SHISA9: variants seen among roughly 807,000 people sequenced by gnomAD.
SHISA9 encodes the protein protein shisa-9.
In SHISA9, 13 loss-of-function variants were observed where a neutral mutation model predicts 38.0. The ratio of observed to expected loss-of-function variants is 0.34; its 90% CI spans 0.22 to 0.54. The LOEUF is 0.54. Ranked by LOEUF, SHISA9 falls within the 20% of genes least tolerant of loss-of-function variation. The pLI is 0.91. For synonymous variants in SHISA9, 275 were observed against 242.0 expected (o/e 1.14, Z -1.27); for missense variants, 538 against 575.8 (o/e 0.93, Z 0.67).
intron 2 of SHISA9, among the ~76,000 whole-genome samples, chr16:13,109,779 T>C (rs551451607): frequency 2.6e-5 from 4 of 152,340 alleles, no homozygotes; most frequent in African/African-American, 9.6e-5. Context: ...TGTGATCTTC[T>C]ATGTCTGGCT....
At chr16:13,295,508 C>T in the SHISA9 span, among the ~76,000 whole-genome samples, 1 of 152,194 alleles carries the variant, frequency 6.6e-6, no homozygotes. Context: ...CAGGTAGGCA[C>T]TGCCTGACAT....
At chr16:12,967,879 C>G (rs2072000502) in intron 2 of SHISA9, among the ~76,000 whole-genome samples, 2 of 151,902 alleles carry the variant, frequency 1.3e-5, no homozygotes, top group South Asian at 4.1e-4. Context: ...TTAGAATTAC[C>G]AGGAGATCTT....
chr16:13,560,801 C>T, the SHISA9 span, among the ~76,000 whole-genome samples: 3 of 150,246 alleles, frequency 2.0e-5, no homozygotes, highest in Non-Finnish European at 1.5e-5. Context: ...GGCTATGTCA[C>T]GGCCATGTCA....
rs538289407 is a variant in SHISA9 at position 13,018,743 on chromosome 16, T to A, written c.691+101928T>A. Among the ~76,000 whole-genome samples the A allele has an allele frequency of 3.9e-5, 6 of 152,314 alleles. No individual in the cohort carries two copies. The East Asian group carries it at 1.2e-3, about 29-fold the overall frequency. On this transcript the variant is annotated intron_variant, in intron 2 of 4. Transcript: ENST00000558583. ...AACTTTGGCGACACAAATTTGAATGTGCATAAATACCAGCTGGTGAGTGTG... is the reference window on the plus strand; with the variant it reads ...AACTTTGGCGACACAAATTTGAATGAGCATAAATACCAGCTGGTGAGTGTG...
chr16:13,457,537 G>C, the SHISA9 span, among the ~76,000 whole-genome samples: 1 of 151,898 alleles, frequency 6.6e-6, no homozygotes, highest in East Asian at 2.0e-4. Context: ...CACAGCCTAA[G>C]TTTTGAATGA....
intron 2 of SHISA9, among the ~76,000 whole-genome samples, chr16:13,110,042 T>C (rs1421759998): frequency 1.3e-5 from 2 of 152,126 alleles, no homozygotes; most frequent in Non-Finnish European, 2.9e-5. Flanking sequence ...GGGTAATATA[T>C]ATTAAGATTA....
At chr16:13,401,126 C>T in the SHISA9 span, among the ~76,000 whole-genome samples, 1 of 152,170 alleles carries the variant, frequency 6.6e-6, no homozygotes, top group Non-Finnish European at 1.5e-5. Flanking sequence ...CACAGAATCT[C>T]CCAAGGATTA....
the SHISA9 span, among the ~76,000 whole-genome samples, chr16:13,407,748 A>T: frequency 2.6e-5 from 4 of 152,328 alleles, no homozygotes; most frequent in African/African-American, 9.6e-5. Context: ...CTAGAGATTT[A>T]AAGGGACCGT....
chr16:12,902,358 C>T lies in SHISA9; in HGVS notation c.294C>T (p.Cys98=). ...GCAGCTCGGGCGACTTCATCTTCTG[C>T]TGCGGGACTTGTGGCTTCCGGTTCT... ...FNCSSGDFIF[C]CGTCGFRFCC... The change falls in exon 1 of 5, where the codon TGC becomes TGT. Residue 98 remains cysteine (C), a synonymous_variant. Coordinates refer to ENST00000558583, the MANE Select transcript of SHISA9 (RefSeq NM_001145204.3). The T allele has an allele frequency of 6.4e-7, 1 of 1,551,504 alleles. No homozygotes were observed. The highest frequency in any genetic ancestry group is 1.7e-4 in the Middle Eastern group (1 of 5,992).
At chr16:13,381,919 G>A in the SHISA9 span, among the ~76,000 whole-genome samples, 1 of 152,226 alleles carries the variant, frequency 6.6e-6, no homozygotes, top group East Asian at 1.9e-4. Flanking sequence ...ATAGGTAAAT[G>A]ACATGAAGAG....
chr16:13,149,004 G>T (rs968109652), intron 2 of SHISA9, among the ~76,000 whole-genome samples: 3 of 152,092 alleles, frequency 2.0e-5, no homozygotes, highest in African/African-American at 7.2e-5. Context: ...TGACGGAAGT[G>T]CAACACCCTT....
chr16:13,042,952 G>A (rs2141890095), intron 2 of SHISA9, among the ~76,000 whole-genome samples: 1 of 152,274 alleles, frequency 6.6e-6, no homozygotes, highest in East Asian at 1.9e-4. Context: ...TATTAGTTAA[G>A]GTAATGCTGG....
the SHISA9 span, among the ~76,000 whole-genome samples, chr16:13,416,784 G>GGAAGGA: frequency 9.3e-6 from 1 of 107,048 alleles, no homozygotes; most frequent in African/African-American, 3.6e-5. Flanking sequence ...GGGAAGGAAG[G>GGAAGGA]AAGGAAGGGA....
the SHISA9 span, among the ~76,000 whole-genome samples, chr16:13,263,364 C>T: frequency 2.6e-5 from 4 of 152,076 alleles, no homozygotes; most frequent in South Asian, 2.1e-4. Context: ...GATCACGGGG[C>T]GGAGTTCTCA....
At chr16:13,548,299 G>A in the SHISA9 span, among the ~76,000 whole-genome samples, 1 of 152,094 alleles carries the variant, frequency 6.6e-6, no homozygotes, top group African/African-American at 2.4e-5. Context: ...CGTTGGTCTG[G>A]GCCAGGATAT....
Position 13,156,559 on chromosome 16 carries a change from C to T in SHISA9, c.692-46835C>T, listed in dbSNP as rs146069648. On this transcript the variant is annotated intron_variant, in intron 2 of 4. Coordinates refer to ENST00000558583, the MANE Select transcript of SHISA9 (RefSeq NM_001145204.3). ...ACCATCTTGGCTAACATGGTGAAAC[C>T]CCGTCTCTACTAACAATACAAAAAA... Among the ~76,000 whole-genome samples the T allele has an allele frequency of 3.2e-3, 480 of 152,012 alleles. 3 individuals are homozygous for T. Among genetic ancestry groups the T allele is most frequent in the African/African-American group, 0.01 (418 of 41,432 alleles).
the SHISA9 span, among the ~76,000 whole-genome samples, chr16:13,305,813 A>G: frequency 6.6e-6 from 1 of 152,240 alleles, no homozygotes; most frequent in Non-Finnish European, 1.5e-5. Flanking sequence ...TGCTAGCCCA[A>G]AGAGGTGATT....
At chr16:13,390,404 G>C in the SHISA9 span, among the ~76,000 whole-genome samples, 1 of 152,148 alleles carries the variant, frequency 6.6e-6, no homozygotes, top group African/African-American at 2.4e-5. Flanking sequence ...TTGTGGTCCA[G>C]TTCTGTCTCA....
the SHISA9 span, among the ~76,000 whole-genome samples, chr16:13,273,686 TTGTC>T: frequency 1.1e-4 from 16 of 152,266 alleles, no homozygotes; most frequent in African/African-American, 3.8e-4. Flanking sequence ...GAATCACTCT[TTGTC>T]TGTTAAATGG....
Sources: gnomAD v4.1 joint callset for allele counts (sites outside exome capture counted in the v4.1 genomes callset) on GRCh38, gnomAD v4.1.1 for gene constraint, MANE v1.5 for transcripts, NCBI Gene and HGNC (gene_info 2026-07-23, HGNC 2026-07-21) for gene names.